Variants in ARHGEF18 observed in about 807,000 individuals in gnomAD.
The protein encoded by ARHGEF18 is Rho/Rac guanine nucleotide exchange factor 18.
ARHGEF18 carries 93 observed loss-of-function variants against 155.7 expected under a neutral mutation model. The observed-to-expected ratio is 0.60, with a 90% CI of 0.50 to 0.71. The LOEUF is 0.71. Among genes scored for constraint, ARHGEF18 ranks in the 30% least tolerant of loss-of-function variants. ARHGEF18 has a pLI of 0.00. For synonymous variants in ARHGEF18, 742 were observed against 753.1 expected (o/e 0.99, Z 0.24); for missense variants, 1,593 against 1,816.1 (o/e 0.88, Z 2.23).
At chr19:7,410,829 G>T (rs866902465) in intron 10 of ARHGEF18, among the ~76,000 whole-genome samples, 4 of 95,034 alleles carry the variant, frequency 4.2e-5, no homozygotes, top group African/African-American at 6.6e-5. Flanking sequence ...AAAAAAAAAA[G>T]GTTTTTCACC....
Position 7,362,008 on chromosome 19 carries a change from A to AAGG in ARHGEF18, c.-110-771_-110-770insGAG, listed in dbSNP as rs1488987587. Reference sequence around the variant, plus strand: ...GACTCTGTGGAAGAAGAAGAAGAAGAAGAAGAAGGAGAAGGAGAAGGAGAA... The same window carrying AAGG: ...GACTCTGTGGAAGAAGAAGAAGAAGAAGGAGAAGAAGGAGAAGGAGAAGGAGAA... On this transcript the variant is annotated intron_variant, in intron 1 of 28. Coordinates refer to ENST00000668164, the MANE Select transcript of ARHGEF18 (RefSeq NM_001367823.1). Among the ~76,000 whole-genome samples, 68 of 51,368 alleles carry AAGG rather than the reference A, an allele frequency of 1.3e-3. 2 individuals carry two copies. The East Asian group carries it at 0.04, about 30-fold the overall frequency. The allele number at this position is 51,368 out of a possible 152,430, so 33.7% of individuals were successfully genotyped here.
chr19:7,469,152 C>G lies in ARHGEF18; in HGVS notation c.3787+21C>G, dbSNP rs779098157. 5.8e-6 allele frequency: 9 copies of G among 1,562,802 alleles called. No homozygotes were observed. The East Asian group carries it at 2.1e-4, about 36-fold the overall frequency. Reference sequence around the variant, plus strand: ...CTCAGGTGAGCCGGCCCCACCCCTTCGCCTGGGCCTGGAAGGTGCAACTGG... The same window carrying G: ...CTCAGGTGAGCCGGCCCCACCCCTTGGCCTGGGCCTGGAAGGTGCAACTGG... On this transcript the variant is annotated intron_variant, in intron 27 of 28. Coordinates refer to ENST00000668164, the MANE Select transcript of ARHGEF18 (RefSeq NM_001367823.1).
chr19:7,374,927 T>C (rs943480292), intron 3 of ARHGEF18, among the ~76,000 whole-genome samples: 5 of 151,664 alleles, frequency 3.3e-5, no homozygotes, highest in Admixed American at 3.3e-4. Context: ...AGGCAGGGGG[T>C]GCTCTAGCCA....
intron 10 of ARHGEF18, among the ~76,000 whole-genome samples, chr19:7,407,733 C>T (rs902356961): frequency 2.6e-5 from 4 of 151,888 alleles, no homozygotes; most frequent in African/African-American, 9.7e-5. Flanking sequence ...GAGGCCGAGA[C>T]GGGCGGATCA....
In ARHGEF18 at chr19:7,441,998, G is replaced by A. The variant is rs1416857099; in HGVS notation, c.1306G>A (p.Ala436Thr). The A allele has an allele frequency of 6.2e-7, 1 of 1,614,128 alleles. No individual in the cohort carries two copies. ...AESWSLAVDA[A>T]YAKKQKREVV... is the part of the protein sequence containing the mutation. ...GTCCTGGAGCCTCGCCGTGGATGCA[G>A]CCTACGCCAAGAAGCAAAAGAGGGA... The change falls in exon 13 of 29, where the codon GCC becomes ACC. Residue 436 changes from alanine (A) to threonine (T), a missense_variant. Coordinates refer to ENST00000668164, the MANE Select transcript of ARHGEF18 (RefSeq NM_001367823.1).
intron 14 of ARHGEF18, among the ~76,000 whole-genome samples, chr19:7,446,340 C>T (rs1974988644): frequency 6.6e-6 from 1 of 151,792 alleles, no homozygotes; most frequent in Admixed American, 6.6e-5. Context: ...CCACTGCCCT[C>T]CAGCCTGAGC....
At chr19:7,458,230 G>A (rs1239612804) in intron 18 of ARHGEF18, among the ~76,000 whole-genome samples, 2 of 149,866 alleles carry the variant, frequency 1.3e-5, no homozygotes, top group African/African-American at 4.9e-5. Flanking sequence ...AAGGCTGCAG[G>A]GAACAATGAT....
intron 13 of ARHGEF18, among the ~76,000 whole-genome samples, chr19:7,443,998 C>G (rs1436006866): frequency 6.6e-6 from 1 of 152,148 alleles, no homozygotes; most frequent in Non-Finnish European, 1.5e-5. Context: ...AGGGTTCTCT[C>G]CTTCCCCTGC....
rs765411968 is a variant in ARHGEF18 at position 7,444,170 on chromosome 19, G to A, written c.1361-34G>A. On this transcript the variant is annotated intron_variant, in intron 13 of 28. Coordinates refer to ENST00000668164, the MANE Select transcript of ARHGEF18 (RefSeq NM_001367823.1). The surrounding 1 kb of genome is among the most constrained non-coding windows in gnomAD (Gnocchi z 4.7). ...ACTGCCCAGCGGGGCCGTGGAGCCA[G>A]CATGGCTAAGTCCTGCCGTCTGTGT... is the stretch of plus-strand genomic sequence containing the variant. 2.4e-5 allele frequency: 39 copies of A among 1,603,348 alleles called. No homozygotes were observed. Among genetic ancestry groups the A allele is most frequent in the Non-Finnish European group, 3.1e-5 (36 of 1,172,828 alleles).
At chr19:7,383,290 T>C (rs1600243547) in intron 10 of ARHGEF18, 87 bp downstream of exon 10, 1 of 1,220,702 alleles carries the variant, frequency 8.2e-7, no homozygotes, top group East Asian at 3.2e-5. Context: ...GGGGTCTCTT[T>C]TGATGTGTGC....
intron 10 of ARHGEF18, among the ~76,000 whole-genome samples, chr19:7,383,576 A>G (rs982040249): frequency 6.6e-6 from 1 of 151,990 alleles, no homozygotes; most frequent in African/African-American, 2.4e-5. Flanking sequence ...ATCAAGGGCT[A>G]AGCTTCATAT....
rs1822227755 is a variant in ARHGEF18 at position 7,361,990 on chromosome 19, T to TGGAAGAAGAAGAAGAAGAAGAAGAAGA, written c.-110-765_-110-764insAGGAAGAAGAAGAAGAAGAAGAAGAAG. On this transcript the variant is annotated intron_variant, in intron 1 of 28. Coordinates refer to ENST00000668164, the MANE Select transcript of ARHGEF18 (RefSeq NM_001367823.1). The stretch of plus-strand genomic sequence containing the variant: ...TTGGGGGCAACAGAGCAAGACTCTG[T>TGGAAGAAGAAGAAGAAGAAGAAGAAGA]GGAAGAAGAAGAAGAAGAAGAAGAA... Among the ~76,000 whole-genome samples, 6 of 110,998 alleles carry TGGAAGAAGAAGAAGAAGAAGAAGAAGA rather than the reference T, an allele frequency of 5.4e-5. 1 individual carries two copies. Among genetic ancestry groups the TGGAAGAAGAAGAAGAAGAAGAAGAAGA allele is most frequent in the Admixed American group, 1.8e-4 (2 of 11,104 alleles). 72.8% of individuals were successfully genotyped at this position (110,998 alleles called of 152,430 possible). A position where few individuals can be genotyped will look rare whatever the true frequency, so the allele number is the denominator to read the frequency against.
chr19:7,363,900 G>C (rs1427210622), intron 2 of ARHGEF18, among the ~76,000 whole-genome samples: 1 of 144,208 alleles, frequency 6.9e-6, no homozygotes, highest in African/African-American at 2.6e-5. Flanking sequence ...GGATGGATGG[G>C]TTGATGGAAG....
chr19:7,431,529 A>AAAAAAAAAG lies in ARHGEF18; in HGVS notation c.968-8811_968-8810insAAAAGAAAA, dbSNP rs901539858. On this transcript the variant is annotated intron_variant, in intron 10 of 28. Transcript: ENST00000668164. ...CCATCTCAAAAAAAAAAAAAAAAAAAAAAAGGCCGGGCTCAGTGGCTCACG... is the reference window on the plus strand; with the variant it reads ...CCATCTCAAAAAAAAAAAAAAAAAAAAAAAAAAAGAAAAGGCCGGGCTCAGTGGCTCACG... Among the ~76,000 whole-genome samples, 318 of 146,884 alleles carry AAAAAAAAAG rather than the reference A, an allele frequency of 2.2e-3. 7 individuals are homozygous for AAAAAAAAAG. Among genetic ancestry groups the AAAAAAAAAG allele is most frequent in the South Asian group, 5.6e-3 (25 of 4,466 alleles).
intron 2 of ARHGEF18, among the ~76,000 whole-genome samples, chr19:7,365,112 T>G: frequency 6.6e-6 from 1 of 152,222 alleles, no homozygotes; most frequent in East Asian, 1.9e-4. Context: ...AAGAGGACAC[T>G]GAGGGGCTGG....
intron 10 of ARHGEF18, among the ~76,000 whole-genome samples, chr19:7,439,044 G>T (rs888777890): frequency 1.1e-4 from 16 of 151,934 alleles, no homozygotes; most frequent in African/African-American, 2.9e-4. Flanking sequence ...TCTAATTTTT[G>T]TATTTTGTAT....
At chr19:7,373,145 A>G in intron 3 of ARHGEF18, 74 bp downstream of exon 3, 4 of 1,232,318 alleles carry the variant, frequency 3.2e-6, no homozygotes, top group Non-Finnish European at 4.0e-6. Context: ...GGCCAGAGCC[A>G]GGTCCTAAGA....
chr19:7,373,960 C>T (rs1291958845), intron 3 of ARHGEF18, among the ~76,000 whole-genome samples: 1 of 150,492 alleles, frequency 6.6e-6, no homozygotes, highest in East Asian at 2.0e-4. Flanking sequence ...GGAGTTTTAC[C>T]ATGTTGGCCA....
At chr19:7,468,250 CAA>C (rs59156728) in intron 26 of ARHGEF18, among the ~76,000 whole-genome samples, 3 of 122,336 alleles carry the variant, frequency 2.5e-5, no homozygotes, top group Non-Finnish European at 1.7e-5. Context: ...GACCCCGTCT[CAA>C]AAAAAAAAAA....
Sources: gnomAD v4.1 joint callset for allele counts (sites outside exome capture counted in the v4.1 genomes callset) on GRCh38, gnomAD v4.1.1 for gene constraint, Gnocchi (gnomAD v3.1) non-coding constraint, MANE v1.5 for transcripts, NCBI Gene and HGNC (gene_info 2026-07-23, HGNC 2026-07-21) for gene names.